UGGT2: variants seen among roughly 807,000 people sequenced by gnomAD.
UGGT2 encodes UDP-glucose:glycoprotein glucosyltransferase 2.
Under a neutral mutation model 192.1 loss-of-function variants are expected in UGGT2, and 180 were observed. The ratio of observed to expected loss-of-function variants is 0.94; its 90% CI spans 0.83 to 1.06. The LOEUF is 1.06. Ranked by LOEUF, UGGT2 falls within the 50% of genes least tolerant of loss-of-function variation. The pLI is 0.00. For missense variants in UGGT2, 1,849 were observed against 1,795.7 expected (o/e 1.03, Z -0.54); for synonymous variants, 580 against 591.0 (o/e 0.98, Z 0.27).
intron 20 of UGGT2, among the ~76,000 whole-genome samples, chr13:95,907,996 C>T (rs116265414): frequency 1.4e-3 from 214 of 152,132 alleles, no homozygotes; most frequent in African/African-American, 4.7e-3. Flanking sequence ...AGCTAAAAAC[C>T]TAGAAAAAAG....
Position 95,856,248 on chromosome 13 carries a change from T to C in UGGT2, c.3918A>G (p.Arg1306=). The change falls in exon 34 of 39, where the codon AGA becomes AGG. Residue 1306 remains arginine (R), a synonymous_variant. Coordinates refer to ENST00000376747, the MANE Select transcript of UGGT2 (RefSeq NM_020121.4). The part of the protein sequence containing the change: ...WPRWLRQQTE[R]QRIIWGYKIL... ...TTTTGTAACCCCAAATAATCCTCTG[T>C]CTTTCAGTCTGTTGACGAAGCCAAC... 6.2e-7 allele frequency: 1 copy of C among 1,613,724 alleles called. No individual in the cohort carries two copies. The highest frequency in any genetic ancestry group is 8.5e-7 in the Non-Finnish European group (1 of 1,179,794).
At chr13:95,841,982 T>G (rs1732557508) in intron 36 of UGGT2, among the ~76,000 whole-genome samples, 1 of 152,188 alleles carries the variant, frequency 6.6e-6, no homozygotes. Flanking sequence ...TTGACAAAAA[T>G]CAAATGAGAG....
In UGGT2 at chr13:95,887,921, C is replaced by A; in HGVS notation, c.3009G>T (p.Arg1003Ser). 1 of 1,603,388 alleles carries A rather than the reference C, an allele frequency of 6.2e-7. No individual in the cohort carries two copies. The highest frequency in any genetic ancestry group is 8.5e-7 in the Non-Finnish European group (1 of 1,174,390). ...NMKIKLFMNC[R>S]GRLSEAPLES... is the part of the protein sequence containing the mutation. ...CTAAAGGGGCTTCTGAAAGCCTGCC[C>A]CTACAGTTCATGAACAACTTTATCT... The change falls in exon 26 of 39, where the codon AGG (arginine) becomes AGT (serine). Residue 1003 changes from arginine to serine, a missense_variant. Transcript: ENST00000376747.
chr13:96,043,161 G>A (rs185201401), intron 1 of UGGT2, among the ~76,000 whole-genome samples: 2 of 152,328 alleles, frequency 1.3e-5, no homozygotes, highest in East Asian at 1.9e-4. Context: ...CAGATTAACA[G>A]CAGATTTCTC....
At chr13:95,942,226 GTGTGTGT>G in intron 15 of UGGT2, among the ~76,000 whole-genome samples, 1 of 17,916 alleles carries the variant, frequency 5.6e-5, no homozygotes, top group South Asian at 1.9e-3. Context: ...GTGAGGGTGT[GTGTGTGT>G]GTGTGTGTGT....
intron 4 of UGGT2, among the ~76,000 whole-genome samples, chr13:96,021,897 A>G (rs2139113398): frequency 6.6e-6 from 1 of 152,294 alleles, no homozygotes; most frequent in Middle Eastern, 3.4e-3. Context: ...AAATTAACCA[A>G]TACTTTTAAC....
chr13:95,860,743 G>T, intron 32 of UGGT2, 45 bp downstream of exon 32: 5 of 1,235,074 alleles, frequency 4.0e-6, no homozygotes, highest in South Asian at 1.9e-5. Flanking sequence ...TTTGAACCAT[G>T]TAAATATTTC....
Position 95,979,548 on chromosome 13 carries a change from C to CA in UGGT2, c.1092+4255dup, listed in dbSNP as rs57487353. Among the ~76,000 whole-genome samples the CA allele has an allele frequency of 7.9e-4, 78 of 98,800 alleles. 2 individuals are homozygous for CA. The highest frequency in any genetic ancestry group is 1.4e-3 in the African/African-American group (40 of 27,652). 64.8% of individuals were successfully genotyped at this position (98,800 alleles called of 152,430 possible). On this transcript the variant is annotated intron_variant, in intron 10 of 38. Transcript: ENST00000376747. ...TTCTCATTTCCCCTGGTCTCTTACG[C>CA]AAAAAAAAAAAAAATACAGACTTGC...
chr13:96,033,670 C>T (rs939264826), intron 1 of UGGT2, among the ~76,000 whole-genome samples: 8 of 152,308 alleles, frequency 5.3e-5, no homozygotes, highest in South Asian at 2.1e-4. Flanking sequence ...GCTTCAATTT[C>T]GGAGCAAAGT....
At chr13:95,963,869 T>C (rs2050482501) in intron 12 of UGGT2, among the ~76,000 whole-genome samples, 2 of 151,894 alleles carry the variant, frequency 1.3e-5, no homozygotes, top group Admixed American at 1.3e-4. Flanking sequence ...CAGAAATAAA[T>C]GGAAAAACAT....
At chr13:95,909,960 T>C (rs2048433709) in intron 20 of UGGT2, among the ~76,000 whole-genome samples, 1 of 152,096 alleles carries the variant, frequency 6.6e-6, no homozygotes, top group South Asian at 2.1e-4. Context: ...GGAAAGAATT[T>C]TCAGCCCAGA....
intron 12 of UGGT2, among the ~76,000 whole-genome samples, chr13:95,966,870 T>G (rs1482612536): frequency 1.3e-5 from 2 of 152,210 alleles, no homozygotes; most frequent in Non-Finnish European, 2.9e-5. Flanking sequence ...CTGCCCATAT[T>G]TTTACATGAC....
intron 29 of UGGT2, among the ~76,000 whole-genome samples, chr13:95,875,200 T>G (rs1458437544): frequency 6.6e-6 from 1 of 152,248 alleles, no homozygotes; most frequent in East Asian, 1.9e-4. Flanking sequence ...TGACTAACAA[T>G]GTTAAATACA....
chr13:95,813,614 CT>C (rs1290163314), intron 38 of UGGT2, among the ~76,000 whole-genome samples: 1 of 152,152 alleles, frequency 6.6e-6, no homozygotes, highest in Admixed American at 6.5e-5. Flanking sequence ...AAAATAAAAG[CT>C]TGTTTTCAAA....
intron 5 of UGGT2, among the ~76,000 whole-genome samples, chr13:96,008,592 A>T (rs573332919): frequency 6.6e-6 from 1 of 152,334 alleles, no homozygotes; most frequent in East Asian, 1.9e-4. Flanking sequence ...AACAACATCC[A>T]AACTGGCAGC....
intron 20 of UGGT2, among the ~76,000 whole-genome samples, chr13:95,911,351 G>GAAGAAAAGA (rs2048490908): frequency 1.3e-5 from 2 of 152,108 alleles, no homozygotes; most frequent in African/African-American, 2.4e-5. Flanking sequence ...GACTAATAAA[G>GAAGAAAAGA]AAGAAAAGAA....
At chr13:95,861,825 T>C (rs751059241) in intron 31 of UGGT2, among the ~76,000 whole-genome samples, 69 of 152,078 alleles carry the variant, frequency 4.5e-4, no homozygotes, top group Non-Finnish European at 7.5e-4. Flanking sequence ...ATAATCATTC[T>C]AAGTTAGGAC....
chr13:95,894,106 A>G (rs1230155719), intron 24 of UGGT2, among the ~76,000 whole-genome samples: 3 of 152,102 alleles, frequency 2.0e-5, no homozygotes, highest in South Asian at 2.1e-4. Flanking sequence ...CGGGCCTACA[A>G]CAGTTCAGCT....
intron 36 of UGGT2, among the ~76,000 whole-genome samples, chr13:95,844,825 A>G (rs936483058): frequency 1.3e-5 from 2 of 152,090 alleles, no homozygotes; most frequent in African/African-American, 4.8e-5. Context: ...CCAGTACAAT[A>G]CTGAATAGGA....
Sources: gnomAD v4.1 joint callset for allele counts (sites outside exome capture counted in the v4.1 genomes callset) on GRCh38, gnomAD v4.1.1 for gene constraint, MANE v1.5 for transcripts, NCBI Gene and HGNC (gene_info 2026-07-23, HGNC 2026-07-21) for gene names.